The following FRMD4B variants were observed in gnomAD, a reference collection of about 807,000 sequenced individuals.
FRMD4B encodes FERM domain-containing protein 4B.
In FRMD4B, 74 loss-of-function variants were observed where a neutral mutation model predicts 141.5. The observed-to-expected ratio is 0.52, with a 90% confidence interval of 0.43 to 0.63. The LOEUF is 0.63. Ranked by LOEUF, FRMD4B falls within the 30% of genes least tolerant of loss-of-function variation. FRMD4B has a pLI of 0.00. For missense variants in FRMD4B, 1,366 were observed against 1,253.4 expected (o/e 1.09, Z -1.36); for synonymous variants, 506 against 467.9 (o/e 1.08, Z -1.05).
intron 19 of FRMD4B, among the ~76,000 whole-genome samples, chr3:69,184,334 G>C (rs2092742688): frequency 6.6e-6 from 1 of 152,176 alleles, no homozygotes; most frequent in Non-Finnish European, 1.5e-5. Flanking sequence ...CAAAACATGA[G>C]ATTTACTATA....
chr3:69,201,325 C>A (rs568755155), intron 11 of FRMD4B, among the ~76,000 whole-genome samples: 189 of 152,098 alleles, frequency 1.2e-3, no homozygotes, highest in Middle Eastern at 0.01. Flanking sequence ...GTAATGTTTT[C>A]TTTTATTAAT....
At chr3:69,358,670 A>C (rs1409466802) in intron 1 of FRMD4B, among the ~76,000 whole-genome samples, 3 of 152,168 alleles carry the variant, frequency 2.0e-5, no homozygotes, top group African/African-American at 4.8e-5. Context: ...TGGGAGGTTG[A>C]GGCTGCAGTG....
intron 1 of FRMD4B, among the ~76,000 whole-genome samples, chr3:69,463,264 A>G (rs1351429146): frequency 6.6e-6 from 1 of 152,198 alleles, no homozygotes; most frequent in African/African-American, 2.4e-5. Context: ...CTAGAATATC[A>G]AATAAATGAC....
At chr3:69,467,371 C>T (rs900621182) in intron 1 of FRMD4B, among the ~76,000 whole-genome samples, 3 of 152,192 alleles carry the variant, frequency 2.0e-5, no homozygotes, top group South Asian at 2.1e-4. Context: ...AAAATCCATG[C>T]TCACAACTAC....
intron 1 of FRMD4B, chr3:69,541,079 A>G (rs1701177650): frequency 6.6e-6 from 1 of 152,206 alleles, no homozygotes; most frequent in Non-Finnish European, 1.5e-5. Context: ...AGGACGGGAA[A>G]CAGCACGTCG....
rs770325581 is a variant in FRMD4B, at chr3:69,196,261, A to G, written c.1228T>C (p.Ser410Pro). The change falls in exon 14 of 23, where the codon TCC becomes CCC. Residue 410 changes from serine to proline, a missense_variant. Coordinates refer to ENST00000398540, the MANE Select transcript of FRMD4B (RefSeq NM_015123.3). Reference sequence around the variant, plus strand: ...TCTAATCCCAAGATGTTACCTGAGGAGATTAAACTGCCATTACTTGCCATG... The same window carrying G: ...TCTAATCCCAAGATGTTACCTGAGGGGATTAAACTGCCATTACTTGCCATG... The part of the protein sequence containing the change: ...FIMASNGSLI[S>P]SGSQDSEVSE... The G allele has an allele frequency of 9.4e-6, 15 of 1,600,304 alleles. No individual in the cohort carries two copies. Among genetic ancestry groups the G allele is most frequent in the Non-Finnish European group, 1.2e-5 (14 of 1,176,012 alleles).
At chr3:69,394,009 G>A (rs532068429) in intron 2 of FRMD4B, among the ~76,000 whole-genome samples, 1 of 152,138 alleles carries the variant, frequency 6.6e-6, no homozygotes, top group Non-Finnish European at 1.5e-5. Flanking sequence ...TTATAATTTG[G>A]TTTGGGCCTC....
upstream of FRMD4B, among the ~76,000 whole-genome samples, chr3:69,389,316 C>A (rs182744552): frequency 8.9e-4 from 136 of 152,296 alleles, no homozygotes; most frequent in Non-Finnish European, 1.7e-3. Flanking sequence ...CAGGCGTGAG[C>A]CACTGTGCCA....
chr3:69,346,505 G>T (rs918255831), intron 1 of FRMD4B, among the ~76,000 whole-genome samples: 1 of 152,050 alleles, frequency 6.6e-6, no homozygotes, highest in Non-Finnish European at 1.5e-5. Context: ...TCCTCGAGAA[G>T]AGCAACTCCA....
At chr3:69,217,456 AC>A (rs1408335008) in intron 10 of FRMD4B, among the ~76,000 whole-genome samples, 1 of 152,050 alleles carries the variant, frequency 6.6e-6, no homozygotes, top group African/African-American at 2.4e-5. Context: ...CCCCATCTCC[AC>A]TAAAAATACA....
At chr3:69,187,988 ACCTC>A in intron 18 of FRMD4B, 71 bp from the exon 19 acceptor site, 2 of 805,834 alleles carry the variant, frequency 2.5e-6, no homozygotes, top group Admixed American at 2.6e-5. Flanking sequence ...TCTTGCCAAT[ACCTC>A]AAAAAAGAAA....
intron 1 of FRMD4B, among the ~76,000 whole-genome samples, chr3:69,334,877 C>T (rs573472470): frequency 1.6e-4 from 24 of 152,240 alleles, no homozygotes; most frequent in African/African-American, 5.3e-4. Context: ...GACTTGCCAG[C>T]GAAGAAGAAA....
chr3:69,174,440 G>GCATATTT (rs1262975858), intron 22 of FRMD4B, among the ~76,000 whole-genome samples: 1 of 152,102 alleles, frequency 6.6e-6, no homozygotes, highest in Non-Finnish European at 1.5e-5. Context: ...GAGAAAAATG[G>GCATATTT]GGAAAATATG....
At chr3:69,244,929 A>G (rs1034725111) in intron 7 of FRMD4B, among the ~76,000 whole-genome samples, 5 of 152,098 alleles carry the variant, frequency 3.3e-5, no homozygotes, top group Middle Eastern at 6.3e-3. Flanking sequence ...CTTTATGGGG[A>G]AAAAAAGCTA....
intron 1 of FRMD4B, among the ~76,000 whole-genome samples, chr3:69,363,219 CA>C (rs1230622955): frequency 1.4e-5 from 2 of 144,594 alleles, no homozygotes; most frequent in South Asian, 2.2e-4. Flanking sequence ...ATCTCCACTC[CA>C]AAAAAAAGGA....
At chr3:69,440,762 C>T (rs1256370774) in intron 1 of FRMD4B, among the ~76,000 whole-genome samples, 3 of 151,684 alleles carry the variant, frequency 2.0e-5, no homozygotes, top group Non-Finnish European at 4.4e-5. Flanking sequence ...GAGGCAAGAT[C>T]ATGCCATTGC....
At chr3:69,267,057 A>C (rs2093565698) in intron 5 of FRMD4B, among the ~76,000 whole-genome samples, 1 of 152,218 alleles carries the variant, frequency 6.6e-6, no homozygotes, top group African/African-American at 2.4e-5. Flanking sequence ...GAACTAATAA[A>C]GAATACAGAG....
At chr3:69,218,274 C>A (rs1196663890) in intron 10 of FRMD4B, 48 bp downstream of exon 10, 2 of 877,362 alleles carry the variant, frequency 2.3e-6, no homozygotes, top group African/African-American at 3.3e-5. Context: ...TGGTATTGTG[C>A]AATAACTCTC....
chr3:69,298,025 G>A (rs1701086950), intron 4 of FRMD4B, among the ~76,000 whole-genome samples: 1 of 152,160 alleles, frequency 6.6e-6, no homozygotes, highest in South Asian at 2.1e-4. Context: ...ATGTTTCTGA[G>A]CTGCTCCCTC....
Sources: allele counts gnomAD v4.1 joint callset (sites outside exome capture counted in the v4.1 genomes callset), GRCh38; gene constraint gnomAD v4.1.1; transcripts MANE v1.5; gene names NCBI Gene and HGNC (gene_info 2026-07-23, HGNC 2026-07-21).